Variants in SVEP1 observed in about 807,000 individuals in gnomAD.
SVEP1 encodes the protein sushi, von Willebrand factor type A, EGF and pentraxin domain-containing protein 1.
SVEP1 carries 164 observed loss-of-function variants against 367.3 expected under a neutral mutation model. The observed-to-expected ratio is 0.45, with a 90% confidence interval of 0.39 to 0.51. The LOEUF is 0.51. Ranked by LOEUF, SVEP1 falls within the 20% of genes least tolerant of loss-of-function variation. The pLI is 0.00. For synonymous variants in SVEP1, 1,666 were observed against 1,611.6 expected, an observed-to-expected ratio of 1.03 and a Z score of -0.81; for missense variants, 4,117 against 4,425.3, an observed-to-expected ratio of 0.93 and a Z score of 1.98.
chr9:110,399,253 C>G (rs1029991336), intron 40 of SVEP1, among the ~76,000 whole-genome samples: 77 of 151,556 alleles, frequency 5.1e-4, no homozygotes, highest in African/African-American at 1.8e-3. Flanking sequence ...GGATAAAAAA[C>G]CAAACACTGC....
chr9:110,571,909 ATG>A (rs527499880), intron 1 of SVEP1, among the ~76,000 whole-genome samples: 142 of 152,366 alleles, frequency 9.3e-4, no homozygotes, highest in African/African-American at 3.1e-3. Context: ...TGATTTTAAA[ATG>A]TGTGATTAAA....
chr9:110,492,620 T>C (rs1319015730), intron 8 of SVEP1, among the ~76,000 whole-genome samples: 3 of 151,918 alleles, frequency 2.0e-5, no homozygotes, highest in South Asian at 2.1e-4. Flanking sequence ...ATTTCATATA[T>C]ATATATATGA....
chr9:110,546,658 G>T (rs550767431), intron 2 of SVEP1, among the ~76,000 whole-genome samples: 2 of 152,296 alleles, frequency 1.3e-5, no homozygotes, highest in African/African-American at 4.8e-5. Context: ...GCCTCTGGGT[G>T]AGGTCAGGCC....
intron 36 of SVEP1, among the ~76,000 whole-genome samples, chr9:110,423,108 C>A: frequency 9.0e-6 from 1 of 110,728 alleles, no homozygotes; most frequent in African/African-American, 3.5e-5. Flanking sequence ...TACCCTAAAA[C>A]TTAGAGTATA....
chr9:110,366,639 G>C, intron 47 of SVEP1, 79 bp from the exon 48 acceptor site: 1 of 1,401,396 alleles, frequency 7.1e-7, no homozygotes, highest in East Asian at 2.5e-5. Flanking sequence ...TTTAGGAGTT[G>C]ATGAAAACAG....
intron 30 of SVEP1, 119 bp downstream of exon 30, chr9:110,434,217 G>T (rs1393583131): frequency 1.3e-5 from 15 of 1,149,038 alleles, no homozygotes; most frequent in Admixed American, 8.2e-5. Flanking sequence ...AAGGTTCAAT[G>T]AATATTTGGT....
chr9:110,445,186 A>G (rs1234715069), intron 26 of SVEP1, among the ~76,000 whole-genome samples: 2 of 152,232 alleles, frequency 1.3e-5, no homozygotes, highest in Non-Finnish European at 2.9e-5. Flanking sequence ...GTCAGTGGAC[A>G]GCTCAGTGAT....
chr9:110,399,360 G>T lies in SVEP1; in HGVS notation c.9822+1494C>A, dbSNP rs1431384785. Among the ~76,000 whole-genome samples, 5 of 143,838 alleles carry T rather than the reference G, an allele frequency of 3.5e-5. No homozygotes were observed. The South Asian group carries it at 9.6e-4, about 28-fold the overall frequency. 94.4% of individuals were successfully genotyped at this position (143,838 alleles called of 152,430 possible). A position where few individuals can be genotyped will look rare whatever the true frequency, so the allele number is the denominator to read the frequency against. ...GGTCCTGTTGTGGGGTCGGGGGAGG[G>T]ATAGCATTAGGAGATATACCTAATG... On this transcript the variant is annotated intron_variant, in intron 40 of 47. Transcript: ENST00000374469.
chr9:110,465,915 T>C lies in SVEP1; in HGVS notation c.3272A>G (p.Glu1091Gly), dbSNP rs764114197. 6.8e-6 allele frequency: 11 copies of C among 1,613,024 alleles called. No homozygotes were observed. In the Admixed American group the frequency reaches 1.8e-4, roughly 27 times the overall value. The part of the protein sequence containing the change: ...FGSRSCLSCP[E>G]NTSTVKRGAV... The stretch of plus-strand genomic sequence containing the variant: ...TCCTCTTTTCACAGTTGAGGTGTTT[T>C]CTGGACACGAGAGGCAGCTCCGGGA... The change falls in exon 18 of 48, where the codon GAA becomes GGA. Residue 1091 changes from glutamate (E) to glycine (G), a missense_variant. Physicochemically the swap from Glu to Gly is moderately conservative, Grantham distance 98. Transcript: ENST00000374469.
At chr9:110,411,025 G>A (rs374743665) in intron 37 of SVEP1, 38 bp downstream of exon 37, 3 of 1,506,124 alleles carry the variant, frequency 2.0e-6, no homozygotes, top group Non-Finnish European at 2.7e-6. Flanking sequence ...TGGGCCCTGT[G>A]ACAAAAGCCA....
chr9:110,492,920 G>T (rs1829391379), intron 8 of SVEP1, among the ~76,000 whole-genome samples: 1 of 152,140 alleles, frequency 6.6e-6, no homozygotes, highest in Non-Finnish European at 1.5e-5. Context: ...AATGTAGACA[G>T]GTGGCTGCAT....
intron 27 of SVEP1, among the ~76,000 whole-genome samples, chr9:110,440,540 T>C (rs932786224): frequency 6.6e-6 from 1 of 152,346 alleles, no homozygotes; most frequent in African/African-American, 2.4e-5. Flanking sequence ...AATTCATGCA[T>C]AAATACTTTC....
At chr9:110,558,333 CAAAAA>C (rs60516091) in intron 1 of SVEP1, among the ~76,000 whole-genome samples, 1 of 88,346 alleles carries the variant, frequency 1.1e-5, no homozygotes, top group South Asian at 3.8e-4. Flanking sequence ...CCTGTCTCTA[CAAAAA>C]AAAAAAAAAA....
At chr9:110,567,108 G>A (rs1830502185) in intron 1 of SVEP1, among the ~76,000 whole-genome samples, 1 of 152,170 alleles carries the variant, frequency 6.6e-6, no homozygotes. Flanking sequence ...TATAATGCTT[G>A]ATACACTAAA....
chr9:110,371,268 CT>C (rs1277656908), intron 46 of SVEP1, among the ~76,000 whole-genome samples: 1 of 152,198 alleles, frequency 6.6e-6, no homozygotes, highest in Non-Finnish European at 1.5e-5. Flanking sequence ...GAACACGTTA[CT>C]CCTTTTCAGG....
intron 17 of SVEP1, among the ~76,000 whole-genome samples, chr9:110,468,477 T>C (rs542822871): frequency 6.6e-6 from 1 of 152,342 alleles, no homozygotes; most frequent in East Asian, 1.9e-4. Context: ...CTTCTGCCTT[T>C]CTTTCCTTTA....
At chr9:110,381,126 CTATTT>C (rs1237321431) in intron 43 of SVEP1, among the ~76,000 whole-genome samples, 3 of 151,552 alleles carry the variant, frequency 2.0e-5, no homozygotes, top group Admixed American at 6.6e-5. Context: ...AGCTAGTGGT[CTATTT>C]TATTACTTTT....
In SVEP1 at chr9:110,400,901, A is replaced by T. The variant is rs1319762268; in HGVS notation, c.9775T>A (p.Phe3259Ile). The change falls in exon 40 of 48, where the codon TTT becomes ATT. Residue 3259 changes from phenylalanine (F) to isoleucine (I), a missense_variant. Transcript: ENST00000374469. ...CACTGATAAATAATTGTGCTTTCAA[A>T]GGTGTATTTACTGCCAACCACAAAT... The part of the protein sequence containing the change: ...HGFVVGSKYT[F>I]ESTIIYQCEP... 1.2e-6 allele frequency: 2 copies of T among 1,613,864 alleles called. No individual in the cohort carries two copies. Among genetic ancestry groups the T allele is most frequent in the African/African-American group, 1.3e-5 (1 of 75,040 alleles).
At chr9:110,564,298 C>G (rs746628912) in intron 1 of SVEP1, among the ~76,000 whole-genome samples, 3 of 152,084 alleles carry the variant, frequency 2.0e-5, no homozygotes, top group Non-Finnish European at 4.4e-5. Context: ...ATTTATGATT[C>G]AAAGCTGTTA....
Sources: allele counts gnomAD v4.1 joint callset (sites outside exome capture counted in the v4.1 genomes callset), GRCh38; gene constraint gnomAD v4.1.1; transcripts MANE v1.5; gene names NCBI Gene and HGNC (gene_info 2026-07-23, HGNC 2026-07-21).